The following ZHX2 variants were observed in gnomAD, a reference collection of about 807,000 sequenced individuals.
ZHX2 encodes the protein zinc fingers and homeoboxes protein 2.
In ZHX2, 6 loss-of-function variants were observed where a neutral mutation model predicts 21.9. The observed-to-expected ratio is 0.27, with a 90% CI of 0.15 to 0.54. The LOEUF is 0.54. Ranked by LOEUF, ZHX2 falls within the 20% of genes least tolerant of loss-of-function variation. The probability of loss-of-function intolerance (pLI) is 0.95; values close to 1 mark genes in which losing one functional copy is unlikely to be tolerated. For missense variants in ZHX2, 908 were observed against 1,090.7 expected (o/e 0.83, Z 2.36); for synonymous variants, 434 against 437.1 (o/e 0.99, Z 0.09).
Position 122,953,753 on chromosome 8 carries a change from G to A in ZHX2, c.2243G>A (p.Arg748Lys), listed in dbSNP as rs766647060. 1.9e-6 allele frequency: 3 copies of A among 1,614,266 alleles called. No individual in the cohort carries two copies. Among genetic ancestry groups the A allele is most frequent in the Middle Eastern group, 1.6e-4 (1 of 6,062 alleles). The change falls in exon 3 of 4, where the codon AGG becomes AAG. Residue 748 changes from arginine to lysine, a missense_variant. Physicochemically the swap from Arg to Lys is conservative, Grantham distance 26. Coordinates refer to ENST00000314393, the MANE Select transcript of ZHX2 (RefSeq NM_014943.5). This position sits in a 1 kb window ranked among gnomAD's most constrained non-coding sequence, Gnocchi z 4.6. ...CEEDLEKLVT[R>K]VKVGSEPAKD... Reference sequence around the variant, plus strand: ...GAGGACTTGGAGAAGTTGGTGACCAGGGTAAAAGTAGGCAGCGAGCCAGCA... The same window carrying A: ...GAGGACTTGGAGAAGTTGGTGACCAAGGTAAAAGTAGGCAGCGAGCCAGCA...
intron 2 of ZHX2, among the ~76,000 whole-genome samples, chr8:122,937,915 T>C (rs1371700259): frequency 2.1e-5 from 3 of 144,440 alleles, no homozygotes; most frequent in African/African-American, 7.7e-5. Flanking sequence ...TGTATTATGT[T>C]TCCTGGTTTT....
At chr8:122,960,556 G>A (rs545314100) in intron 3 of ZHX2, among the ~76,000 whole-genome samples, 1 of 152,024 alleles carries the variant, frequency 6.6e-6, no homozygotes, top group African/African-American at 2.4e-5. Flanking sequence ...TAATAAATAA[G>A]TAAATAAGAA....
chr8:122,820,749 T>C (rs1818128472), intron 1 of ZHX2, among the ~76,000 whole-genome samples: 1 of 152,050 alleles, frequency 6.6e-6, no homozygotes, highest in Admixed American at 6.6e-5. Context: ...CACGAGATGG[T>C]TTTATGGGTG....
rs1034277813 is a variant in ZHX2, at chr8:122,951,740, G to A, written c.230G>A (p.Gly77Asp). 1 of 1,614,106 alleles carries A rather than the reference G, an allele frequency of 6.2e-7. No individual in the cohort carries two copies. The highest frequency in any genetic ancestry group is 1.1e-5 in the South Asian group (1 of 91,076). ...AGCCAGTCCAAAAAACTCCAAGGTG[G>A]TTATGAGTGCAAATACTGCCCCTAC... is the stretch of plus-strand genomic sequence containing the variant. ...GESQSKKLQG[G>D]YECKYCPYST... The change falls in exon 3 of 4, where the codon GGT becomes GAT. Residue 77 changes from glycine to aspartate, a missense_variant. Gly to Asp is a moderately conservative substitution (Grantham distance 94). Transcript: ENST00000314393.
At chr8:122,847,240 AC>A (rs1818771868) in intron 1 of ZHX2, among the ~76,000 whole-genome samples, 1 of 151,398 alleles carries the variant, frequency 6.6e-6, no homozygotes, top group Non-Finnish European at 1.5e-5. Flanking sequence ...GAGCTTCCCC[AC>A]CTCTCCCCCA....
At chr8:122,955,069 C>CGGGGGGGGGGGGG (rs35647179) in intron 3 of ZHX2, among the ~76,000 whole-genome samples, 1 of 20,678 alleles carries the variant, frequency 4.8e-5, no homozygotes, top group African/African-American at 1.4e-4. Flanking sequence ...TCACATAAGC[C>CGGGGGGGGGGGGG]GGGGGGGGGG....
chr8:122,886,850 A>C (rs1248543832), intron 2 of ZHX2, among the ~76,000 whole-genome samples: 1 of 152,212 alleles, frequency 6.6e-6, no homozygotes. Flanking sequence ...CCAAGCAGAC[A>C]AATATTTGAG....
chr8:122,916,175 T>A (rs573894789), intron 2 of ZHX2, among the ~76,000 whole-genome samples: 2 of 152,190 alleles, frequency 1.3e-5, no homozygotes, highest in Non-Finnish European at 2.9e-5. Context: ...CGCTTTCATC[T>A]CAGCTTTGGC....
At chr8:122,792,013 T>G (rs1422895241) in intron 1 of ZHX2, among the ~76,000 whole-genome samples, 1 of 152,196 alleles carries the variant, frequency 6.6e-6, no homozygotes, top group Admixed American at 6.5e-5. Flanking sequence ...AAGTGTACAA[T>G]TTATTGACTT....
chr8:122,925,729 A>G (rs561884363), intron 2 of ZHX2, among the ~76,000 whole-genome samples: 1 of 152,346 alleles, frequency 6.6e-6, no homozygotes, highest in Admixed American at 6.5e-5. Context: ...TAGCTGACAC[A>G]CACTGGGTGA....
chr8:122,802,687 G>A (rs867362913), intron 1 of ZHX2, among the ~76,000 whole-genome samples: 1 of 152,234 alleles, frequency 6.6e-6, no homozygotes, highest in Non-Finnish European at 1.5e-5. Flanking sequence ...GGAAGGTTCA[G>A]GAAAGGGAAA....
At chr8:122,814,408 T>G (rs2130616150) in intron 1 of ZHX2, among the ~76,000 whole-genome samples, 1 of 152,364 alleles carries the variant, frequency 6.6e-6, no homozygotes, top group African/African-American at 2.4e-5. Flanking sequence ...TCACCATCTA[T>G]ATGACTGTGA....
At chr8:122,914,420 G>A (rs1820550546) in intron 2 of ZHX2, among the ~76,000 whole-genome samples, 4 of 152,218 alleles carry the variant, frequency 2.6e-5, no homozygotes, top group South Asian at 2.1e-4. Flanking sequence ...ATTTGCCTTC[G>A]ACTGACAAAG....
intron 2 of ZHX2, among the ~76,000 whole-genome samples, chr8:122,875,122 A>G (rs1819531073): frequency 1.2e-5 from 1 of 84,664 alleles, no homozygotes; most frequent in Non-Finnish European, 2.4e-5. Flanking sequence ...GAGGAAGGAA[A>G]ACTCTGTTAT....
intron 2 of ZHX2, among the ~76,000 whole-genome samples, chr8:122,894,835 C>T (rs1820060202): frequency 6.6e-6 from 1 of 152,024 alleles, no homozygotes; most frequent in South Asian, 2.1e-4. Flanking sequence ...ATCTTGACCC[C>T]CACCCTTCAC....
chr8:122,790,601 G>C (rs1400032242), intron 1 of ZHX2, among the ~76,000 whole-genome samples: 1 of 152,056 alleles, frequency 6.6e-6, no homozygotes, highest in African/African-American at 2.4e-5. Context: ...ATTCTGTTTT[G>C]TTTTTTGTTG....
chr8:122,813,754 C>T (rs554058583), intron 1 of ZHX2, among the ~76,000 whole-genome samples: 128 of 152,262 alleles, frequency 8.4e-4, no homozygotes, highest in South Asian at 2.5e-3. Flanking sequence ...TCAGGATTTC[C>T]TTTGAGCATC....
intron 1 of ZHX2, among the ~76,000 whole-genome samples, chr8:122,810,752 G>GTA (rs1278021162): frequency 2.6e-5 from 4 of 151,920 alleles, no homozygotes; most frequent in African/African-American, 9.7e-5. Context: ...TCCAAGGAGT[G>GTA]TTGTATGTGA....
chr8:122,811,072 A>AG (rs2130606229), intron 1 of ZHX2, among the ~76,000 whole-genome samples: 1 of 152,330 alleles, frequency 6.6e-6, no homozygotes, highest in Admixed American at 6.5e-5. Context: ...GATGTTGAAC[A>AG]GGTGGAAATC....
Sources: gnomAD v4.1 joint callset for allele counts (sites outside exome capture counted in the v4.1 genomes callset) on GRCh38, gnomAD v4.1.1 for gene constraint, Gnocchi (gnomAD v3.1) non-coding constraint, MANE v1.5 for transcripts, NCBI Gene and HGNC (gene_info 2026-07-23, HGNC 2026-07-21) for gene names.